SGK1: variants seen among roughly 807,000 people sequenced by gnomAD.
SGK1 encodes serine/threonine-protein kinase Sgk1.
SGK1 carries 26 observed loss-of-function variants against 64.2 expected under a neutral mutation model. The ratio of observed to expected loss-of-function variants is 0.40; its 90% CI spans 0.30 to 0.56. The LOEUF (loss-of-function observed/expected upper bound fraction) is 0.56. SGK1 is among the 20% of genes least tolerant of loss of function. The probability of loss-of-function intolerance (pLI) is 0.38; values close to 1 mark genes in which losing one functional copy is unlikely to be tolerated. For synonymous variants in SGK1, 265 were observed against 239.7 expected (o/e 1.11, Z -0.98); for missense variants, 519 against 645.6 (o/e 0.80, Z 2.12).
At chr6:134,172,397 G>A in intron 9 of SGK1, 81 bp from the exon 10 acceptor site, 4 of 1,382,776 alleles carry the variant, frequency 2.9e-6, no homozygotes, top group Non-Finnish European at 4.0e-6. Flanking sequence ...ATTGCTAAAG[G>A]TATTAGAGGC....
At chr6:134,197,054 G>A (rs568817908) in intron 3 of SGK1, among the ~76,000 whole-genome samples, 1 of 152,232 alleles carries the variant, frequency 6.6e-6, no homozygotes, top group Middle Eastern at 3.4e-3. Flanking sequence ...ACAACATGGT[G>A]AAACCCCATC....
intron 2 of SGK1, among the ~76,000 whole-genome samples, chr6:134,240,776 C>T (rs973420109): frequency 1.3e-5 from 2 of 152,042 alleles, no homozygotes; most frequent in East Asian, 1.9e-4. Flanking sequence ...GAGAGAAAAA[C>T]GATTACATCA....
At chr6:134,300,439 G>A (rs915713933) in intron 1 of SGK1, among the ~76,000 whole-genome samples, 9 of 150,698 alleles carry the variant, frequency 6.0e-5, no homozygotes, top group South Asian at 2.1e-4. Flanking sequence ...TCGGGAGGCT[G>A]TGGCAGGAGA....
At chr6:134,289,174 T>C (rs556808313) in intron 1 of SGK1, among the ~76,000 whole-genome samples, 12 of 152,322 alleles carry the variant, frequency 7.9e-5, no homozygotes, top group African/African-American at 2.6e-4. Flanking sequence ...TTAGCCTTCA[T>C]AGGGGCTGGA....
intron 1 of SGK1, among the ~76,000 whole-genome samples, chr6:134,277,495 GAGGTGTGAGAGGTGGGCAGACCCAGGC>G (rs1489960252): frequency 6.6e-6 from 1 of 152,142 alleles, no homozygotes; most frequent in African/African-American, 2.4e-5. Flanking sequence ...CAGGGTCCTG[GAGGTGTGAGAGGTGGGCAGACCCAGGC>G]AGGTGTGAGA....
At chr6:134,219,357 C>T (rs1004873655) in intron 2 of SGK1, among the ~76,000 whole-genome samples, 2 of 152,076 alleles carry the variant, frequency 1.3e-5, no homozygotes, top group African/African-American at 2.4e-5. Context: ...TCCAAACACC[C>T]GTTTCCACTT....
intron 1 of SGK1, among the ~76,000 whole-genome samples, chr6:134,275,628 C>G (rs1562271973): frequency 6.6e-6 from 1 of 152,172 alleles, no homozygotes; most frequent in Non-Finnish European, 1.5e-5. Flanking sequence ...TTTCATGAAC[C>G]ACTAATGGGT....
chr6:134,173,186 T>C (rs1168939854), intron 7 of SGK1, 32 bp from the exon 8 acceptor site: 1 of 1,610,198 alleles, frequency 6.2e-7, no homozygotes, highest in Non-Finnish European at 8.5e-7. Context: ...TTTAGTGGCA[T>C]GTTTCAACTT....
intron 3 of SGK1, among the ~76,000 whole-genome samples, chr6:134,204,180 A>T (rs1480973485): frequency 6.6e-6 from 1 of 151,774 alleles, no homozygotes; most frequent in African/African-American, 2.4e-5. Flanking sequence ...AGAGGTGGAG[A>T]TTTTAAAACA....
intron 2 of SGK1, among the ~76,000 whole-genome samples, chr6:134,221,673 G>C (rs145574642): frequency 2.0e-5 from 3 of 150,222 alleles, no homozygotes; most frequent in Admixed American, 1.3e-4. Flanking sequence ...TTTTTCTTGA[G>C]AGGGAGTCTC....
chr6:134,298,299 C>T (rs1777393802), intron 1 of SGK1: 2 of 1,564,786 alleles, frequency 1.3e-6, no homozygotes, highest in Admixed American at 3.3e-5. Context: ...CCATGTTGCT[C>T]CAAGCTGTCT....
In SGK1 at chr6:134,213,615, A is replaced by AAAAT. The variant is rs55961271; in HGVS notation, c.286-6188_286-6185dup. Among the ~76,000 whole-genome samples, 718 of 122,994 alleles carry AAAAT rather than the reference A, an allele frequency of 5.8e-3. 36 individuals are homozygous for AAAAT. The highest frequency in any genetic ancestry group is 0.029 in the Admixed American group (371 of 12,624). 80.7% of individuals were successfully genotyped at this position (122,994 alleles called of 152,430 possible). On this transcript the variant is annotated intron_variant, in intron 2 of 13. Transcript: ENST00000367858. ...GGTGACAAGAGCAAAACTCTGTCTC[A>AAAAT]AAATAAATAAATAAATAAATAAATA...
intron 1 of SGK1, among the ~76,000 whole-genome samples, chr6:134,280,198 CAAAAAAAA>C (rs1228218844): frequency 1.6e-5 from 1 of 64,256 alleles, no homozygotes; most frequent in Non-Finnish European, 2.9e-5. Flanking sequence ...GACACTGTCT[CAAAAAAAA>C]AAAAAAAAAA....
chr6:134,195,188 T>C (rs1314886728), intron 3 of SGK1, among the ~76,000 whole-genome samples: 1 of 152,184 alleles, frequency 6.6e-6, no homozygotes, highest in Non-Finnish European at 1.5e-5. Context: ...AAATACTGCC[T>C]GAAAATAGTT....
At chr6:134,233,306 G>C (rs560017670) in intron 2 of SGK1, among the ~76,000 whole-genome samples, 7 of 152,194 alleles carry the variant, frequency 4.6e-5, no homozygotes, top group Non-Finnish European at 8.8e-5. Flanking sequence ...AGTTTCTCTG[G>C]ACTTTTGCAA....
chr6:134,274,030 G>T (rs1487282185), intron 1 of SGK1, among the ~76,000 whole-genome samples: 1 of 151,474 alleles, frequency 6.6e-6, no homozygotes, highest in Non-Finnish European at 1.5e-5. Context: ...TTGAGACAGA[G>T]TCTCACTCTG....
intron 1 of SGK1, chr6:134,297,242 C>T: frequency 2.6e-6 from 3 of 1,142,342 alleles, no homozygotes; most frequent in Non-Finnish European, 2.6e-6. Flanking sequence ...AGCCCTCCAG[C>T]AGCTTCCTGT....
chr6:134,253,823 G>A (rs1420478517), intron 2 of SGK1, among the ~76,000 whole-genome samples: 3 of 152,094 alleles, frequency 2.0e-5, no homozygotes, highest in Admixed American at 6.6e-5. Context: ...ACTTCAAATC[G>A]CATGGATCCT....
At chr6:134,304,034 G>A (rs907263681) in intron 1 of SGK1, among the ~76,000 whole-genome samples, 9 of 152,140 alleles carry the variant, frequency 5.9e-5, no homozygotes, top group African/African-American at 1.7e-4. Flanking sequence ...GTTAGAAGCC[G>A]GCAGCCATCT....
Sources: gnomAD v4.1 joint callset for allele counts (sites outside exome capture counted in the v4.1 genomes callset) on GRCh38, gnomAD v4.1.1 for gene constraint, MANE v1.5 for transcripts, NCBI Gene and HGNC (gene_info 2026-07-23, HGNC 2026-07-21) for gene names.